The following ZNF407 variants were observed in gnomAD, a reference collection of about 807,000 sequenced individuals.
ZNF407 encodes the protein zinc finger protein 407.
ZNF407 carries 17 observed loss-of-function variants against 131.2 expected under a neutral mutation model. That is an observed-to-expected ratio of 0.13 (90% CI 0.09 to 0.19). The LOEUF (loss-of-function observed/expected upper bound fraction) is 0.19, where lower values mean the gene tolerates loss of function less well. Among genes scored for constraint, ZNF407 ranks in the 10% least tolerant of loss-of-function variants. The probability of loss-of-function intolerance (pLI) is 1.00; values close to 1 mark genes in which losing one functional copy is unlikely to be tolerated. For synonymous variants in ZNF407, 1,156 were observed against 1,062.0 expected, an observed-to-expected ratio of 1.09 and a Z score of -1.72; for missense variants, 2,681 against 2,830.6, an observed-to-expected ratio of 0.95 and a Z score of 1.20.
intron 3 of ZNF407, among the ~76,000 whole-genome samples, chr18:74,774,333 G>T (rs995014992): frequency 6.6e-5 from 10 of 152,122 alleles, no homozygotes; most frequent in African/African-American, 2.4e-4. Context: ...TCATTAATGG[G>T]TGCCTATGCC....
chr18:74,876,461 T>C (rs1018046864), intron 4 of ZNF407, among the ~76,000 whole-genome samples: 1 of 152,220 alleles, frequency 6.6e-6, no homozygotes, highest in South Asian at 2.1e-4. Context: ...TATTCAAGGT[T>C]CTGTTGGTGG....
Position 74,635,785 on chromosome 18 carries a change from G to C in ZNF407, c.4687+79G>C. On this transcript the variant is annotated intron_variant, in intron 2 of 8. Transcript: ENST00000299687. The surrounding 1 kb of genome is among the most constrained non-coding windows in gnomAD (Gnocchi z 4.7). ...CATCCAGATATGCAGCCCTACCTGT[G>C]GCTGCTCATTGGCTTTCCACCCGGT... 1 of 1,507,516 alleles carries C rather than the reference G, an allele frequency of 6.6e-7. No homozygotes were observed. Among genetic ancestry groups the C allele is most frequent in the South Asian group, 1.4e-5 (1 of 73,278 alleles). 93.4% of individuals were successfully genotyped at this position (1,507,516 alleles called of 1,614,324 possible). A position where few individuals can be genotyped will look rare whatever the true frequency, so the allele number is the denominator to read the frequency against.
intron 3 of ZNF407, among the ~76,000 whole-genome samples, chr18:74,652,358 T>A (rs1029592803): frequency 6.6e-6 from 1 of 152,224 alleles, no homozygotes; most frequent in Admixed American, 6.5e-5. Context: ...CTAGGGTTTT[T>A]ATTCATCGAG....
intron 4 of ZNF407, among the ~76,000 whole-genome samples, chr18:74,865,270 T>G (rs1481851248): frequency 6.6e-6 from 1 of 152,200 alleles, no homozygotes; most frequent in Non-Finnish European, 1.5e-5. Context: ...GAAAAATGTT[T>G]TAAAAAGAGA....
chr18:74,613,948 T>C (rs2144624647), intron 1 of ZNF407, among the ~76,000 whole-genome samples: 1 of 152,338 alleles, frequency 6.6e-6, no homozygotes, highest in South Asian at 2.1e-4. Context: ...AGTTATTGAA[T>C]ATAATGGCAA....
chr18:74,704,196 C>T (rs1967568583), intron 3 of ZNF407, among the ~76,000 whole-genome samples: 1 of 152,206 alleles, frequency 6.6e-6, no homozygotes, highest in Non-Finnish European at 1.5e-5. Flanking sequence ...CCATTCCTCC[C>T]TAAATCTTCT....
chr18:74,763,964 C>T (rs557130142), intron 3 of ZNF407, among the ~76,000 whole-genome samples: 181 of 151,980 alleles, frequency 1.2e-3, no homozygotes, highest in Admixed American at 2.2e-3. Flanking sequence ...CCGCCCGCCT[C>T]GGCCTCCCAA....
At chr18:75,044,541 G>A (rs1410180396) in intron 8 of ZNF407, among the ~76,000 whole-genome samples, 1 of 152,046 alleles carries the variant, frequency 6.6e-6, no homozygotes, top group African/African-American at 2.4e-5. Flanking sequence ...TATTCCTCCA[G>A]TATTAGGAAC....
chr18:74,752,240 A>G (rs1411365781), intron 3 of ZNF407, among the ~76,000 whole-genome samples: 3 of 151,988 alleles, frequency 2.0e-5, no homozygotes, highest in Non-Finnish European at 2.9e-5. Context: ...TTTCTTGTAA[A>G]TTTGTTTAAG....
chr18:74,609,431 GCAATTGTAACT>G (rs1190278384), intron 1 of ZNF407, among the ~76,000 whole-genome samples: 1 of 152,116 alleles, frequency 6.6e-6, no homozygotes, highest in Non-Finnish European at 1.5e-5. Context: ...AATGCTGTAG[GCAATTGTAACT>G]CAATGGTAAG....
intron 3 of ZNF407, among the ~76,000 whole-genome samples, chr18:74,779,865 G>T (rs577301515): frequency 6.6e-6 from 1 of 151,896 alleles, no homozygotes; most frequent in Non-Finnish European, 1.5e-5. Context: ...TTTAACCTTT[G>T]CTCTTTGCTA....
At chr18:74,992,512 T>C (rs1159545318) in intron 8 of ZNF407, among the ~76,000 whole-genome samples, 2 of 152,128 alleles carry the variant, frequency 1.3e-5, no homozygotes, top group African/African-American at 4.8e-5. Flanking sequence ...ACTGGTGTGA[T>C]GGGGCAGATT....
At chr18:74,838,496 CTT>C (rs374048820) in intron 4 of ZNF407, among the ~76,000 whole-genome samples, 1 of 152,148 alleles carries the variant, frequency 6.6e-6, no homozygotes, top group Non-Finnish European at 1.5e-5. Context: ...TTCCCCCTCT[CTT>C]TTCATATCTA....
At chr18:74,877,097 G>A (rs1971168134) in intron 4 of ZNF407, 100 bp from the exon 5 acceptor site, 3 of 990,586 alleles carry the variant, frequency 3.0e-6, no homozygotes, top group South Asian at 1.4e-5. Flanking sequence ...CGCAGAGGCT[G>A]CGTGTGCACC....
chr18:74,651,440 G>A (rs114924640), intron 3 of ZNF407, among the ~76,000 whole-genome samples: 198 of 152,200 alleles, frequency 1.3e-3, no homozygotes, highest in African/African-American at 4.6e-3. Flanking sequence ...ATTTCAGCCC[G>A]GTTTTGAAGA....
At chr18:74,742,295 G>A (rs953199225) in intron 3 of ZNF407, among the ~76,000 whole-genome samples, 1 of 152,108 alleles carries the variant, frequency 6.6e-6, no homozygotes, top group African/African-American at 2.4e-5. Context: ...TTTCTTAAAT[G>A]TATAAAGAGA....
chr18:74,927,259 C>G (rs1360504589), intron 8 of ZNF407, among the ~76,000 whole-genome samples: 1 of 152,186 alleles, frequency 6.6e-6, no homozygotes, highest in Non-Finnish European at 1.5e-5. Flanking sequence ...CTATAAAATT[C>G]TCACCTGTCT....
intron 1 of ZNF407, among the ~76,000 whole-genome samples, chr18:74,627,825 TGCCCTGCCCC>T (rs1983859940): frequency 2.1e-5 from 3 of 145,698 alleles, no homozygotes; most frequent in Admixed American, 2.0e-4. Context: ...TGCCCTGCCC[TGCCCTGCCCC>T]GCCCCACCCC....
chr18:74,615,743 A>G (rs1983257931), intron 1 of ZNF407, among the ~76,000 whole-genome samples: 1 of 152,210 alleles, frequency 6.6e-6, no homozygotes. Flanking sequence ...ATTTTATGAG[A>G]CTGCAATATT....
Sources: allele counts gnomAD v4.1 joint callset (sites outside exome capture counted in the v4.1 genomes callset), GRCh38; gene constraint gnomAD v4.1.1; non-coding constraint Gnocchi (gnomAD v3.1); transcripts MANE v1.5; gene names NCBI Gene and HGNC (gene_info 2026-07-23, HGNC 2026-07-21).